Variants in TSPAN4 observed in about 807,000 individuals in gnomAD.
TSPAN4 encodes the protein tetraspanin 4.
Under a neutral mutation model 31.5 loss-of-function variants are expected in TSPAN4, and 38 were observed. The ratio of observed to expected loss-of-function variants is 1.21; its 90% confidence interval spans 0.93 to 1.58. The LOEUF (loss-of-function observed/expected upper bound fraction) is 1.58. TSPAN4 is among the 40% of genes most tolerant of loss of function. The pLI is 0.00. For missense variants in TSPAN4, 330 were observed against 317.3 expected (o/e 1.04, Z -0.30); for synonymous variants, 186 against 144.6 (o/e 1.29, Z -2.06).
intron 4 of TSPAN4, 40 bp from the exon 5 acceptor site, chr11:864,397 C>T (rs376009459): frequency 1.6e-5 from 25 of 1,607,220 alleles, no homozygotes; most frequent in African/African-American, 2.7e-5. Context: ...GGAGGCTGTG[C>T]GGCCTTTCGG....
chr11:864,534 C>T (rs1457374949), intron 5 of TSPAN4, 23 bp downstream of exon 5: 2 of 1,610,698 alleles, frequency 1.2e-6, no homozygotes, highest in South Asian at 1.1e-5. Context: ...TGGCCGCAGG[C>T]CCAACTGCAG....
Position 865,702 on chromosome 11 carries a change from C to T in TSPAN4, c.441C>T (p.Cys147=), listed in dbSNP as rs1481106815. 6.2e-7 allele frequency: 1 copy of T among 1,613,232 alleles called. No homozygotes were observed. The highest frequency in any genetic ancestry group is 1.3e-5 in the African/African-American group (1 of 74,924). The part of the protein sequence containing the change: ...AWSIIQTDFR[C]CGVSNYTDWF... Reference sequence around the variant, plus strand: ...CTGAGCTTGCCCCCCAGTTCCGCTGCTGTGGCGTCTCCAACTACACTGACT... The same window carrying T: ...CTGAGCTTGCCCCCCAGTTCCGCTGTTGTGGCGTCTCCAACTACACTGACT... The change falls in exon 7 of 9, where the codon TGC becomes TGT. Residue 147 remains cysteine, a synonymous_variant. Transcript: ENST00000397397.
intron 1 of TSPAN4, chr11:843,840 T>G (rs1271472739): frequency 1.4e-5 from 2 of 146,016 alleles, no homozygotes; most frequent in East Asian, 4.1e-4. Context: ...GTTCCAGGCA[T>G]CAGCTGCCGC....
chr11:850,171 C>T, intron 2 of TSPAN4, 117 bp from the exon 3 acceptor site: 1 of 814,324 alleles, frequency 1.2e-6, no homozygotes, highest in Non-Finnish European at 1.9e-6. Context: ...GCCGGGGGCT[C>T]CTTCTTCGGC....
Position 866,896 on chromosome 11 carries a change from A to ATATTTACG in TSPAN4, c.*271_*278dup, listed in dbSNP as rs1848886484. ...GTGGGAGGGGCCTCCAGCACTTTTT[A>ATATTTACG]TATTTACGTATTCTCCAAAGCAGTG... is the stretch of plus-strand genomic sequence containing the variant. On this transcript the variant is annotated 3_prime_UTR_variant, in exon 9 of 9. Transcript: ENST00000397397. 1 of 450,646 alleles carries ATATTTACG rather than the reference A, an allele frequency of 2.2e-6. No individual in the cohort carries two copies. Among genetic ancestry groups the ATATTTACG allele is most frequent in the Non-Finnish European group, 4.0e-6 (1 of 250,622 alleles). 27.9% of individuals were successfully genotyped at this position (450,646 alleles called of 1,614,324 possible).
intron 3 of TSPAN4, chr11:857,355 G>A (rs1848109810): frequency 6.6e-6 from 1 of 151,166 alleles, no homozygotes; most frequent in African/African-American, 2.4e-5. Context: ...GACAGGAGAG[G>A]TCTGCGTCCT....
chr11:843,425 G>A (rs1374756442), intron 1 of TSPAN4: 2 of 152,268 alleles, frequency 1.3e-5, no homozygotes, highest in Non-Finnish European at 2.9e-5. Context: ...GGGGACCCGG[G>A]AGGGAGGTCG....
intron 3 of TSPAN4, among the ~76,000 whole-genome samples, chr11:860,377 C>T (rs1312271977): frequency 2.0e-5 from 3 of 152,234 alleles, no homozygotes; most frequent in Admixed American, 2.0e-4. Context: ...GCACAGCCTC[C>T]TGCCTGCCAG....
intron 3 of TSPAN4, among the ~76,000 whole-genome samples, chr11:853,387 G>A (rs1408643162): frequency 1.3e-5 from 2 of 152,204 alleles, no homozygotes; most frequent in Non-Finnish European, 2.9e-5. Flanking sequence ...CCACACCCAT[G>A]GTCAGGCTAG....
At chr11:847,694 C>T (rs927330893) in intron 2 of TSPAN4, among the ~76,000 whole-genome samples, 20 of 150,690 alleles carry the variant, frequency 1.3e-4, no homozygotes, top group African/African-American at 4.9e-4. Context: ...CATCTGCTCA[C>T]CTGGGCGATG....
intron 3 of TSPAN4, among the ~76,000 whole-genome samples, chr11:853,288 G>GC (rs572460059): frequency 3.6e-3 from 542 of 152,236 alleles, no homozygotes; most frequent in Middle Eastern, 0.01. Flanking sequence ...TCTCCTCAAA[G>GC]CCCCCCTTCT....
intron 8 of TSPAN4, 74 bp downstream of exon 8, chr11:866,075 A>G: frequency 6.6e-7 from 1 of 1,520,142 alleles, no homozygotes; most frequent in South Asian, 1.2e-5. Context: ...ACAAAGTAGC[A>G]AAGACCTTGC....
intron 3 of TSPAN4, among the ~76,000 whole-genome samples, chr11:852,215 T>G (rs11246334): frequency 0.062 from 9,359 of 152,142 alleles, 409 homozygotes; most frequent in East Asian, 0.23. Flanking sequence ...CTTCCATCTC[T>G]GGGGTTCAAG....
chr11:862,479 C>T (rs1023533065), intron 3 of TSPAN4, 71 bp from the exon 4 acceptor site: 3 of 1,402,652 alleles, frequency 2.1e-6, no homozygotes, highest in Non-Finnish European at 2.9e-6. Context: ...GTGGGCCGGG[C>T]TCTGCCCTGG....
chr11:859,708 G>T, intron 3 of TSPAN4: 1 of 153,920 alleles, frequency 6.5e-6, no homozygotes. Flanking sequence ...GTGCGTCTCC[G>T]GGCCGCCCTC....
At chr11:855,777 C>T (rs1001780407) in intron 3 of TSPAN4, among the ~76,000 whole-genome samples, 6 of 152,196 alleles carry the variant, frequency 3.9e-5, no homozygotes, top group South Asian at 2.1e-4. Flanking sequence ...CCAGCCATGA[C>T]GGGGACGTTC....
intron 3 of TSPAN4, chr11:862,202 G>A (rs934371449): frequency 1.0e-5 from 3 of 298,882 alleles, no homozygotes; most frequent in African/African-American, 4.4e-5. Flanking sequence ...CGGGGTTAGG[G>A]GTGTGCAGAC....
At chr11:866,405 C>T (rs377428208) in intron 8 of TSPAN4, among the ~76,000 whole-genome samples, 157 bp from the exon 9 acceptor site, 73 of 152,042 alleles carry the variant, frequency 4.8e-4, no homozygotes, top group African/African-American at 1.7e-3. Context: ...TTGGGTGGGG[C>T]GTGCAAGCCA....
chr11:852,631 T>C (rs1466476267), intron 3 of TSPAN4, among the ~76,000 whole-genome samples: 2 of 152,220 alleles, frequency 1.3e-5, no homozygotes, highest in African/African-American at 2.4e-5. Context: ...CACTGTGAGC[T>C]AAGCCCTCTC....
Sources: allele counts gnomAD v4.1 joint callset (sites outside exome capture counted in the v4.1 genomes callset), GRCh38; gene constraint gnomAD v4.1.1; transcripts MANE v1.5; gene names NCBI Gene and HGNC (gene_info 2026-07-23, HGNC 2026-07-21).